ELN: variants seen among roughly 807,000 people sequenced by gnomAD.
ELN encodes the protein tropoelastin.
In ELN, 65 loss-of-function variants were observed where a neutral mutation model predicts 105.8. The ratio of observed to expected loss-of-function variants is 0.61; its 90% confidence interval spans 0.50 to 0.75. ELN has a LOEUF of 0.75. ELN is among the 30% of genes least tolerant of loss of function. The probability of loss-of-function intolerance (pLI) is 0.00; values close to 1 mark genes in which losing one functional copy is unlikely to be tolerated. For synonymous variants in ELN, 368 were observed against 389.2 expected, an observed-to-expected ratio of 0.95 and a Z score of 0.64; for missense variants, 882 against 969.4, an observed-to-expected ratio of 0.91 and a Z score of 1.20.
intron 4 of ELN, among the ~76,000 whole-genome samples, chr7:74,039,713 G>A (rs1790748213): frequency 6.6e-6 from 1 of 152,258 alleles, no homozygotes; most frequent in African/African-American, 2.4e-5. Context: ...AGAAGGAACT[G>A]GGAGCACCCA....
Position 74,048,182 on chromosome 7 carries a change from T to A in ELN, c.726T>A (p.Ala242=). The A allele has an allele frequency of 6.2e-7, 1 of 1,613,984 alleles. No individual in the cohort carries two copies. The highest frequency in any genetic ancestry group is 8.5e-7 in the Non-Finnish European group (1 of 1,179,936). ...PGGVAGAAGK[A]GYPTGTGVGP... is the part of the protein sequence containing the mutation. The stretch of plus-strand genomic sequence containing the variant: ...GAGTGGCTGGTGCAGCGGGCAAGGC[T>A]GGTTACCCAACAGGGACAGGTAAGG... The change falls in exon 14 of 33, where the codon GCT becomes GCA. Residue 242 remains alanine, a synonymous_variant. Coordinates refer to ENST00000252034, the MANE Select transcript of ELN (RefSeq NM_000501.4).
chr7:74,060,216 C>T (rs782746555), intron 24 of ELN, 32 bp downstream of exon 24: 13 of 1,613,964 alleles, frequency 8.1e-6, no homozygotes, highest in African/African-American at 1.3e-5. Context: ...CTCTCCTCTC[C>T]CCAACGATCT....
At chr7:74,053,018 A>C in intron 17 of ELN, 145 bp from the exon 18 acceptor site, 1 of 1,176,006 alleles carries the variant, frequency 8.5e-7, no homozygotes. Context: ...CATCTCTCTG[A>C]TGAGTAGGAT....
At chr7:74,039,517 C>T (rs1554667327) in intron 4 of ELN, among the ~76,000 whole-genome samples, 1 of 152,214 alleles carries the variant, frequency 6.6e-6, no homozygotes, top group East Asian at 1.9e-4. Context: ...AACAATTAAT[C>T]CCTTGGTGAC....
At chr7:74,044,414 C>T (rs193049142) in intron 9 of ELN, among the ~76,000 whole-genome samples, 2 of 152,296 alleles carry the variant, frequency 1.3e-5, no homozygotes, top group Non-Finnish European at 2.9e-5. Flanking sequence ...GTCCGTCCAT[C>T]CCCTGAAGGT....
At chr7:74,043,489 TG>T in intron 8 of ELN, 1 of 685,862 alleles carries the variant, frequency 1.5e-6, no homozygotes, top group Admixed American at 2.0e-5. Flanking sequence ...CCGGCAGAGC[TG>T]GGGGAGCCCC....
chr7:74,042,589 C>T (rs782565014), intron 5 of ELN, 25 bp from the exon 6 acceptor site: 3 of 1,609,400 alleles, frequency 1.9e-6, no homozygotes, highest in African/African-American at 2.7e-5. Flanking sequence ...TAGCTCAGGA[C>T]CTCACCCCAT....
chr7:74,052,851 G>A (rs184892245), intron 17 of ELN: 6 of 405,012 alleles, frequency 1.5e-5, no homozygotes, highest in Admixed American at 7.9e-5. Context: ...GAGAGAGAGG[G>A]AGGGAGAGAG....
rs1584527883 is a variant in ELN at position 74,041,382 on chromosome 7, G to A, written c.232+131G>A. On this transcript the variant is annotated intron_variant, in intron 5 of 32. Coordinates refer to ENST00000252034, the MANE Select transcript of ELN (RefSeq NM_000501.4). ...TCCGTCCTGGGCACTGACGGGGACT[G>A]ATGCTGATACCAACTGCCCCAAGCA... The A allele has an allele frequency of 1.0e-5, 12 of 1,153,128 alleles. 1 individual carries two copies. The East Asian group carries it at 2.9e-4, about 27-fold the overall frequency. The allele number at this position is 1,153,128 out of a possible 1,614,324, so 71.4% of individuals were successfully genotyped here. A position where few individuals can be genotyped will look rare whatever the true frequency, so the allele number is the denominator to read the frequency against.
At chr7:74,031,541 C>T (rs562323308) in intron 1 of ELN, among the ~76,000 whole-genome samples, 13 of 152,116 alleles carry the variant, frequency 8.5e-5, no homozygotes, top group Middle Eastern at 3.4e-3. Context: ...AGACAGGACT[C>T]GGTTGGGGGT....
Position 74,060,194 on chromosome 7 carries a change from T to C in ELN, c.1621+10T>C, listed in dbSNP as rs1554683367. Reference sequence around the variant, plus strand: ...GCCAAAGCCCAGCTCCGTGAGTGCCTCGCCCACCTTTCTCTCCTCTCCCCA... The same window carrying C: ...GCCAAAGCCCAGCTCCGTGAGTGCCCCGCCCACCTTTCTCTCCTCTCCCCA... On this transcript the variant is annotated intron_variant, in intron 24 of 32. Transcript: ENST00000252034. 6.2e-7 allele frequency: 1 copy of C among 1,614,046 alleles called. No homozygotes were observed. The highest frequency in any genetic ancestry group is 2.2e-5 in the East Asian group (1 of 44,886).
chr7:74,053,696 G>T (rs2131948507), intron 18 of ELN, among the ~76,000 whole-genome samples: 1 of 151,474 alleles, frequency 6.6e-6, no homozygotes, highest in South Asian at 2.1e-4. Flanking sequence ...GGATAGATGG[G>T]TGGGTGGATG....
In ELN at chr7:74,051,925, C is replaced by T. The variant is rs782438247; in HGVS notation, c.891C>T (p.Gly297=). The T allele has an allele frequency of 6.8e-6, 11 of 1,613,808 alleles. No individual in the cohort carries two copies. In the East Asian group the frequency reaches 1.6e-4, roughly 23 times the overall value. The change falls in exon 17 of 33, where the codon GGC becomes GGT. Residue 297 remains glycine (G), a splice_region_variant and synonymous_variant. Transcript: ENST00000252034. The stretch of plus-strand genomic sequence containing the variant: ...CACCCTCTGTGGCTGTGTTTTCAGG[C>T]GTTGGGACTCCAGCTGCAGCTGCAG... ...GAIPGIGGIA[G]VGTPAAAAAA...
In ELN at chr7:74,032,535, C is replaced by T. The variant is rs147923943; in HGVS notation, c.83-2829C>T. ...CACTTGCAGAGAGGCAGGAATCCTT[C>T]GTAGCCCCTAAACCTTCTCCATTTC... is the stretch of plus-strand genomic sequence containing the variant. On this transcript the variant is annotated intron_variant, in intron 1 of 32. Coordinates refer to ENST00000252034, the MANE Select transcript of ELN (RefSeq NM_000501.4). Among the ~76,000 whole-genome samples the T allele has an allele frequency of 1.0e-3, 153 of 152,334 alleles. 2 individuals carry two copies. In the East Asian group the frequency reaches 0.026, roughly 26 times the overall value.
chr7:74,041,236 G>A lies in ELN; in HGVS notation c.217G>A (p.Ala73Thr), dbSNP rs372807564. The change falls in exon 5 of 33, where the codon GCT (alanine) becomes ACT (threonine). Residue 73 changes from alanine (A) to threonine (T), a missense_variant. Transcript: ENST00000252034. ...CACAGTTCCCGGAGGGCTTGCGGGTGCTGGCCTTGGGGCAGGTGAGTGCTG... is the reference window on the plus strand; with the variant it reads ...CACAGTTCCCGGAGGGCTTGCGGGTACTGGCCTTGGGGCAGGTGAGTGCTG... ...LKPVPGGLAG[A>T]GLGAGLGAFP... 6 of 1,613,892 alleles carry A rather than the reference G, an allele frequency of 3.7e-6. No individual in the cohort carries two copies. Among genetic ancestry groups the A allele is most frequent in the Non-Finnish European group, 5.1e-6 (6 of 1,179,904 alleles).
rs782770862 is a variant in ELN, at chr7:74,043,039, G to T, written c.376+5G>T. The T allele has an allele frequency of 1.9e-6, 3 of 1,614,066 alleles. No homozygotes were observed. In the African/African-American group the frequency reaches 4.0e-5, roughly 22 times the overall value. On this transcript the variant is annotated splice_donor_5th_base_variant and intron_variant, in intron 7 of 32. Coordinates refer to ENST00000252034, the MANE Select transcript of ELN (RefSeq NM_000501.4). ...GTGGCTTAGGAGTGTCTGCAGGTAC[G>T]ATGGCTATCCCCGAACTCCCTGGGT...
intron 32 of ELN, among the ~76,000 whole-genome samples, chr7:74,067,582 C>G (rs1210242695): frequency 6.6e-6 from 1 of 151,466 alleles, no homozygotes; most frequent in Non-Finnish European, 1.5e-5. Context: ...ACTAAAAATA[C>G]AAAAAATTAG....
chr7:74,042,145 C>T (rs1173473984), intron 5 of ELN, among the ~76,000 whole-genome samples: 4 of 151,308 alleles, frequency 2.6e-5, no homozygotes, highest in African/African-American at 9.7e-5. Flanking sequence ...GGTACTTAGG[C>T]GCGGTGGCTC....
At chr7:74,042,590 C>T (rs1374641064) in intron 5 of ELN, 24 bp from the exon 6 acceptor site, 1 of 1,610,094 alleles carries the variant, frequency 6.2e-7, no homozygotes, top group Non-Finnish European at 8.5e-7. Flanking sequence ...AGCTCAGGAC[C>T]TCACCCCATC....
Sources: allele counts gnomAD v4.1 joint callset (sites outside exome capture counted in the v4.1 genomes callset), GRCh38; gene constraint gnomAD v4.1.1; transcripts MANE v1.5; gene names NCBI Gene and HGNC (gene_info 2026-07-23, HGNC 2026-07-21).